The following CDK14 variants were observed in gnomAD, a reference collection of about 807,000 sequenced individuals.
CDK14 encodes the protein cyclin dependent kinase 14.
In CDK14, 34 loss-of-function variants were observed where a neutral mutation model predicts 60.7. That is an observed-to-expected ratio of 0.56 (90% CI 0.43 to 0.75). CDK14 has a LOEUF of 0.75. CDK14 is among the 30% of genes least tolerant of loss of function. The pLI is 0.00. For missense variants in CDK14, 482 were observed against 564.1 expected, an observed-to-expected ratio of 0.85 and a Z score of 1.47; for synonymous variants, 197 against 203.7, an observed-to-expected ratio of 0.97 and a Z score of 0.28.
At chr7:90,993,418 A>G (rs1795591408) in intron 10 of CDK14, among the ~76,000 whole-genome samples, 1 of 152,184 alleles carries the variant, frequency 6.6e-6, no homozygotes, top group African/African-American at 2.4e-5. Context: ...CCAAAGATCC[A>G]AAAAGGCATA....
chr7:90,681,394 C>T (rs181639270), intron 2 of CDK14, among the ~76,000 whole-genome samples: 14 of 152,276 alleles, frequency 9.2e-5, no homozygotes, highest in Admixed American at 2.0e-4. Context: ...GTGGAGGTGA[C>T]TCCATTTAGG....
At chr7:91,188,374 G>C (rs527786624) in intron 14 of CDK14, among the ~76,000 whole-genome samples, 17 of 152,194 alleles carry the variant, frequency 1.1e-4, no homozygotes, top group African/African-American at 4.1e-4. Flanking sequence ...ATAGAATCTG[G>C]TGCTTATCTC....
intron 8 of CDK14, among the ~76,000 whole-genome samples, chr7:90,931,784 G>GTA (rs753790342): frequency 2.6e-4 from 4 of 15,226 alleles, no homozygotes; most frequent in Non-Finnish European, 4.7e-4. Context: ...TGGATTTTGT[G>GTA]TGTGTGTGTG....
intron 2 of CDK14, among the ~76,000 whole-genome samples, chr7:90,636,968 A>T (rs558655705): frequency 5.6e-4 from 85 of 151,028 alleles, no homozygotes; most frequent in African/African-American, 1.9e-3. Context: ...TTTCTGTGGG[A>T]TCGGTGGTGA....
intron 6 of CDK14, among the ~76,000 whole-genome samples, chr7:90,898,562 T>G (rs2117349547): frequency 6.6e-6 from 1 of 152,152 alleles, no homozygotes; most frequent in East Asian, 1.9e-4. Context: ...AATAAAAATG[T>G]GAATAGTAAC....
At chr7:91,017,452 T>A (rs1796328804) in intron 10 of CDK14, among the ~76,000 whole-genome samples, 2 of 152,250 alleles carry the variant, frequency 1.3e-5, no homozygotes, top group Non-Finnish European at 2.9e-5. Context: ...TCATATGTGA[T>A]ATTTTCCTAA....
chr7:90,711,884 G>C (rs77122958), intron 2 of CDK14, among the ~76,000 whole-genome samples: 36,396 of 133,250 alleles, frequency 0.27, 5,074 homozygotes, highest in Middle Eastern at 0.32. Context: ...AGTCTACTAT[G>C]TTTTTTTTTT....
At chr7:90,828,224 T>C (rs547769843) in intron 5 of CDK14, among the ~76,000 whole-genome samples, 1 of 152,190 alleles carries the variant, frequency 6.6e-6, no homozygotes, top group Admixed American at 6.5e-5. Flanking sequence ...GGAAGTGGTG[T>C]TGTTATATAA....
chr7:91,147,160 T>TCACACACA (rs1342197532), intron 14 of CDK14, among the ~76,000 whole-genome samples: 1 of 107,680 alleles, frequency 9.3e-6, no homozygotes, highest in Non-Finnish European at 2.0e-5. Context: ...TCTCTCTCTC[T>TCACACACA]CTCACACACA....
At chr7:90,930,261 A>G (rs1456947007) in intron 8 of CDK14, among the ~76,000 whole-genome samples, 1 of 152,216 alleles carries the variant, frequency 6.6e-6, no homozygotes, top group Non-Finnish European at 1.5e-5. Flanking sequence ...TAGATTGCCA[A>G]AATGTATGAT....
intron 2 of CDK14, among the ~76,000 whole-genome samples, chr7:90,662,852 C>T (rs1800891679): frequency 1.3e-5 from 2 of 152,142 alleles, no homozygotes; most frequent in South Asian, 2.1e-4. Flanking sequence ...ACTTTGGTAC[C>T]AGATAAACAT....
chr7:90,836,534 G>T (rs897941075), intron 5 of CDK14, among the ~76,000 whole-genome samples: 1 of 152,004 alleles, frequency 6.6e-6, no homozygotes, highest in African/African-American at 2.4e-5. Flanking sequence ...ATTATAACAA[G>T]GCCTTCTTCT....
At chr7:90,693,263 C>T (rs1001127184) in intron 2 of CDK14, among the ~76,000 whole-genome samples, 4 of 152,074 alleles carry the variant, frequency 2.6e-5, no homozygotes, top group Admixed American at 2.0e-4. Flanking sequence ...ATCTGCTCTC[C>T]TTCATACTTA....
At chr7:90,864,041 A>G (rs1791096111) in intron 6 of CDK14, among the ~76,000 whole-genome samples, 1 of 152,016 alleles carries the variant, frequency 6.6e-6, no homozygotes, top group South Asian at 2.1e-4. Flanking sequence ...TATTTAGAAT[A>G]GTTGTTGGTA....
chr7:90,618,375 C>T (rs1799696101), intron 2 of CDK14, among the ~76,000 whole-genome samples: 1 of 152,078 alleles, frequency 6.6e-6, no homozygotes, highest in Non-Finnish European at 1.5e-5. Context: ...TTCCAATTCA[C>T]TGGATTTTCT....
At chr7:90,812,895 C>A (rs895306660) in intron 5 of CDK14, among the ~76,000 whole-genome samples, 2 of 152,058 alleles carry the variant, frequency 1.3e-5, no homozygotes, top group African/African-American at 4.8e-5. Context: ...TCATATGACC[C>A]AGTGACTTCA....
chr7:90,698,960 A>T (rs1005384912), intron 2 of CDK14, among the ~76,000 whole-genome samples: 3 of 152,232 alleles, frequency 2.0e-5, no homozygotes, highest in African/African-American at 7.2e-5. Context: ...GAGAGAAGAG[A>T]CTGTGCACTG....
At chr7:91,093,253 GC>G (rs1324182521) in intron 12 of CDK14, among the ~76,000 whole-genome samples, 5 of 152,156 alleles carry the variant, frequency 3.3e-5, no homozygotes, top group Non-Finnish European at 5.9e-5. Flanking sequence ...TAGAAAGCAT[GC>G]TTTTGCACTG....
At chr7:90,663,322 T>G (rs1800901633) in intron 2 of CDK14, among the ~76,000 whole-genome samples, 1 of 152,218 alleles carries the variant, frequency 6.6e-6, no homozygotes, top group Non-Finnish European at 1.5e-5. Flanking sequence ...TTATTTATCT[T>G]GGATCACCCT....
Sources: allele counts gnomAD v4.1 joint callset (sites outside exome capture counted in the v4.1 genomes callset), GRCh38; gene constraint gnomAD v4.1.1; transcripts MANE v1.5; gene names NCBI Gene and HGNC (gene_info 2026-07-23, HGNC 2026-07-21).